ADH1C: variants seen among roughly 807,000 people sequenced by gnomAD.
ADH1C encodes alcohol dehydrogenase 1C (class I), gamma polypeptide.
A neutral mutation model predicts 35.0 loss-of-function variants in ADH1C; 26 were observed. The ratio of observed to expected loss-of-function variants is 0.74; its 90% CI spans 0.54 to 1.03. The LOEUF (loss-of-function observed/expected upper bound fraction) is 1.03. ADH1C is among the 50% of genes least tolerant of loss of function. ADH1C has a pLI of 0.00. For missense variants in ADH1C, 413 were observed against 465.4 expected, an observed-to-expected ratio of 0.89 and a Z score of 1.04; for synonymous variants, 170 against 169.3, an observed-to-expected ratio of 1.00 and a Z score of -0.03.
rs775034716 is a variant in ADH1C, at chr4:99,344,812, T to C, written c.567+50A>G. ...TTGCAAGAAATTGCTTCCCTTTTGG[T>C]TCCTGACAGTCTGCGTGTAACCGGT... On this transcript the variant is annotated intron_variant, in intron 5 of 8. Coordinates refer to ENST00000515683, the MANE Select transcript of ADH1C (RefSeq NM_000669.5). 1.8e-5 allele frequency: 29 copies of C among 1,609,614 alleles called. No homozygotes were observed. The Admixed American group carries it at 4.7e-4, about 26-fold the overall frequency.
Position 99,340,664 on chromosome 4 carries a change from A to G in ADH1C, c.875T>C (p.Ile292Thr), listed in dbSNP as rs1408118183. The G allele has an allele frequency of 1.9e-6, 3 of 1,613,118 alleles. No individual in the cohort carries two copies. In the African/African-American group the frequency reaches 4.0e-5, roughly 22 times the overall value. Reference sequence around the variant, plus strand: ...CTGGGAATCAGGAGGTACCCCTACAATGACACTTGTGCCACATGCCTCATG... The same window carrying G: ...CTGGGAATCAGGAGGTACCCCTACAGTGACACTTGTGCCACATGCCTCATG... ...CCHEACGTSV[I>T]VGVPPDSQNL... is the part of the protein sequence containing the mutation. Residue 292 changes from isoleucine (I) to threonine (T), a missense_variant, in exon 7 of 9, where the codon ATT (isoleucine) becomes ACT (threonine). Coordinates refer to ENST00000515683, the MANE Select transcript of ADH1C (RefSeq NM_000669.5).
intron 5 of ADH1C, 35 bp from the exon 6 acceptor site, chr4:99,343,090 A>G: frequency 3.1e-6 from 5 of 1,603,546 alleles, no homozygotes; most frequent in Non-Finnish European, 4.3e-6. Context: ...TGAATTAAAT[A>G]ATGTTTGTTA....
In ADH1C at chr4:99,345,165, C is replaced by T. The variant is rs745379524; in HGVS notation, c.347+14G>A. On this transcript the variant is annotated intron_variant, in intron 4 of 8. Transcript: ENST00000515683. ...AAACTCAAAGTCTGTGCAAAGAAAG[C>T]ATCAGAAACTTACTCATTTTTCAAG... The T allele has an allele frequency of 1.9e-6, 3 of 1,613,758 alleles. No homozygotes were observed. Among genetic ancestry groups the T allele is most frequent in the Non-Finnish European group, 2.5e-6 (3 of 1,179,718 alleles).
chr4:99,344,895 C>T lies in ADH1C; in HGVS notation c.534G>A (p.Ser178=), dbSNP rs553105935. 15 of 1,614,146 alleles carry T rather than the reference C, an allele frequency of 9.3e-6. No homozygotes were observed. Among genetic ancestry groups the T allele is most frequent in the African/African-American group, 8.0e-5 (6 of 75,018 alleles). ...EKVCLIGCGF[S]TGYGSAVKVA... is the part of the protein sequence containing the mutation. ...CTTTGACTGCAGACCCATAACCAGT[C>T]GAAAATCCACAGCCAATGAGGCAGA... The change falls in exon 5 of 9, where the codon TCG becomes TCA. Residue 178 remains serine, a synonymous_variant. Transcript: ENST00000515683.
chr4:99,339,683 CA>C lies in ADH1C; in HGVS notation c.996del (p.Val333TrpfsTer14), dbSNP rs1419814288. 6.2e-7 allele frequency: 1 copy of C among 1,611,766 alleles called. No homozygotes were observed. Among genetic ancestry groups the C allele is most frequent in the Admixed American group, 1.7e-5 (1 of 59,524 alleles). ...AACTTCTTAGCCATAAAGTCAGCCA[CA>C]AGTTTGGGGACAGATTCTTTACTCT... ...GFKSKESVPKLVADFMAKKFS... is the reference protein window; with the variant it reads ...GFKSKESVPKXVADFMAKKFS... On this transcript the variant is annotated frameshift_variant, in exon 8 of 9. Coordinates refer to ENST00000515683, the MANE Select transcript of ADH1C (RefSeq NM_000669.5). LOFTEE classifies it high-confidence loss of function.
Position 99,347,789 on chromosome 4 carries a change from C to T in ADH1C, c.76G>A (p.Glu26Lys). ...WELKKPFSIEEVEVAPPKAHE... is the reference protein window; with the variant it reads ...WELKKPFSIEKVEVAPPKAHE... ...GCCTTAGGAGGTGCAACCTCTACCT[C>T]CTCAATGGAAAAGGGTTTCTTTAAC... Residue 26 changes from glutamate to lysine, a missense_variant, in exon 2 of 9, where the codon GAG (glutamate) becomes AAG (lysine). Coordinates refer to ENST00000515683, the MANE Select transcript of ADH1C (RefSeq NM_000669.5). 1 of 1,613,852 alleles carries T rather than the reference C, an allele frequency of 6.2e-7. No homozygotes were observed. Among genetic ancestry groups the T allele is most frequent in the Non-Finnish European group, 8.5e-7 (1 of 1,179,806 alleles).
At chr4:99,348,416 G>T (rs1318849663) in intron 1 of ADH1C, among the ~76,000 whole-genome samples, 1 of 151,722 alleles carries the variant, frequency 6.6e-6, no homozygotes, top group Admixed American at 6.6e-5. Flanking sequence ...TGAGAATGAT[G>T]ATTTCCAGCT....
intron 7 of ADH1C, 100 bp downstream of exon 7, chr4:99,340,475 T>C: frequency 7.2e-7 from 1 of 1,381,900 alleles, no homozygotes. Flanking sequence ...TTTTAATTTA[T>C]TTTTAATTTC....
chr4:99,352,004 G>A (rs911936571), intron 1 of ADH1C, among the ~76,000 whole-genome samples: 3 of 152,010 alleles, frequency 2.0e-5, no homozygotes, highest in Non-Finnish European at 4.4e-5. Context: ...TTTATATAGG[G>A]GAGATACTGT....
In ADH1C at chr4:99,347,812, A is replaced by G. The variant is rs758391799; in HGVS notation, c.53T>C (p.Leu18Ser). 6.2e-7 allele frequency: 1 copy of G among 1,613,966 alleles called. No individual in the cohort carries two copies. Residue 18 changes from leucine (L) to serine (S), a missense_variant, in exon 2 of 9, where the codon TTA becomes TCA. Physicochemically the swap from Leu to Ser is moderately radical, Grantham distance 145. Coordinates refer to ENST00000515683, the MANE Select transcript of ADH1C (RefSeq NM_000669.5). ...CTCCTCAATGGAAAAGGGTTTCTTT[A>G]ACTCCCATAGCACAGCTGCTTTGCA... is the stretch of plus-strand genomic sequence containing the variant. ...IKCKAAVLWE[L>S]KKPFSIEEVE...
intron 8 of ADH1C, among the ~76,000 whole-genome samples, chr4:99,338,395 C>CTA (rs35124782): frequency 0.014 from 551 of 38,712 alleles, 18 homozygotes; most frequent in Non-Finnish European, 0.02. Context: ...ATACTGTTTT[C>CTA]TATATATATA....
chr4:99,344,864 T>C lies in ADH1C; in HGVS notation c.565A>G (p.Lys189Glu), dbSNP rs781110621. 1 of 1,614,132 alleles carries C rather than the reference T, an allele frequency of 6.2e-7. No individual in the cohort carries two copies. Among genetic ancestry groups the C allele is most frequent in the Non-Finnish European group, 8.5e-7 (1 of 1,179,966 alleles). The part of the protein sequence containing the change: ...TGYGSAVKVA[K>E]VTPGSTCAVF... ...TTATCATCCATTGTCATTTCTACCT[T>C]GGCAACTTTGACTGCAGACCCATAA... is the stretch of plus-strand genomic sequence containing the variant. Residue 189 changes from lysine (K) to glutamate (E), a missense_variant and splice_region_variant, in exon 5 of 9, where the codon AAG (lysine) becomes GAG (glutamate). Lys to Glu is a moderately conservative substitution (Grantham distance 56). Coordinates refer to ENST00000515683, the MANE Select transcript of ADH1C (RefSeq NM_000669.5).
chr4:99,340,733 T>G (rs577159192), intron 6 of ADH1C, 23 bp from the exon 7 acceptor site: 1 of 1,612,070 alleles, frequency 6.2e-7, no homozygotes, highest in East Asian at 2.2e-5. Context: ...GAACATTTAG[T>G]ATCCTTAACG....
chr4:99,351,625 T>C (rs1734681385), intron 1 of ADH1C, among the ~76,000 whole-genome samples: 1 of 152,230 alleles, frequency 6.6e-6, no homozygotes, highest in Admixed American at 6.5e-5. Flanking sequence ...TAAAGTGAAG[T>C]GGTGTAAGAA....
intron 1 of ADH1C, chr4:99,351,114 C>G (rs907662817): frequency 1.3e-5 from 2 of 151,932 alleles, no homozygotes; most frequent in African/African-American, 4.8e-5. Flanking sequence ...CCAACCTGGG[C>G]AATAGAAAGA....
In ADH1C at chr4:99,347,112, C is replaced by G. The variant is rs772973805; in HGVS notation, c.153G>C (p.Glu51Asp). 6 of 1,613,864 alleles carry G rather than the reference C, an allele frequency of 3.7e-6. No individual in the cohort carries two copies. In the South Asian group the frequency reaches 6.6e-5, roughly 18 times the overall value. ...MVAAGICRSD[E>D]HVVSGNLVTP... The stretch of plus-strand genomic sequence containing the variant: ...TCACCAGGTTGCCACTAACCACATG[C>G]TCATCTGAACGACAGATTCCTGCAG... Residue 51 changes from glutamate to aspartate, a missense_variant, in exon 3 of 9, where the codon GAG becomes GAC. Glu to Asp is a conservative substitution (Grantham distance 45). Transcript: ENST00000515683.
At chr4:99,347,981 C>T (rs1441507709) in intron 1 of ADH1C, 135 bp from the exon 2 acceptor site, 1 of 937,908 alleles carries the variant, frequency 1.1e-6, no homozygotes, top group Non-Finnish European at 1.6e-6. Flanking sequence ...AAATGAAGTC[C>T]TCTGGTTTAT....
rs1342326882 is a variant in ADH1C, at chr4:99,345,018, G to A, written c.411C>T (p.Pro137=). ...TGCTGACGCCGACGAAGTGGTGGATGGGCTTCCCGCTGCAGGTGAACCTCC... is the reference window on the plus strand; with the variant it reads ...TGCTGACGCCGACGAAGTGGTGGATAGGCTTCCCGCTGCAGGTGAACCTCC... The part of the protein sequence containing the change: ...GTRRFTCSGK[P]IHHFVGVSTF... The change falls in exon 5 of 9, where the codon CCC becomes CCT. Residue 137 remains proline, a synonymous_variant. Coordinates refer to ENST00000515683, the MANE Select transcript of ADH1C (RefSeq NM_000669.5). 1.2e-6 allele frequency: 2 copies of A among 1,614,164 alleles called. No individual in the cohort carries two copies. Among genetic ancestry groups the A allele is most frequent in the Admixed American group, 1.7e-5 (1 of 60,028 alleles).
At chr4:99,341,722 C>T (rs1734419518) in intron 6 of ADH1C, among the ~76,000 whole-genome samples, 1 of 152,098 alleles carries the variant, frequency 6.6e-6, no homozygotes, top group Non-Finnish European at 1.5e-5. Context: ...CTAGATAATT[C>T]TGGATAGGTA....
Sources: gnomAD v4.1 joint callset for allele counts (sites outside exome capture counted in the v4.1 genomes callset) on GRCh38, gnomAD v4.1.1 for gene constraint, MANE v1.5 for transcripts, NCBI Gene and HGNC (gene_info 2026-07-23, HGNC 2026-07-21) for gene names.